IQGAP2: variants seen among roughly 807,000 people sequenced by gnomAD.
IQGAP2 encodes ras GTPase-activating-like protein IQGAP2.
Under a neutral mutation model 201.3 loss-of-function variants are expected in IQGAP2, and 173 were observed. The ratio of observed to expected loss-of-function variants is 0.86; its 90% confidence interval spans 0.76 to 0.98. The LOEUF is 0.98. Among genes scored for constraint, IQGAP2 ranks in the 50% least tolerant of loss-of-function variants. IQGAP2 has a pLI of 0.00. For synonymous variants in IQGAP2, 675 were observed against 673.9 expected, an observed-to-expected ratio of 1.00 and a Z score of -0.03; for missense variants, 1,687 against 1,864.8, an observed-to-expected ratio of 0.90 and a Z score of 1.76.
chr5:76,546,632 C>T (rs1179152027), intron 2 of IQGAP2, among the ~76,000 whole-genome samples: 1 of 152,174 alleles, frequency 6.6e-6, no homozygotes, highest in East Asian at 1.9e-4. Context: ...ACGCCTGGCA[C>T]AAGAGCAGCA....
At chr5:76,583,065 TC>T (rs1561483137) in intron 5 of IQGAP2, among the ~76,000 whole-genome samples, 1 of 152,192 alleles carries the variant, frequency 6.6e-6, no homozygotes, top group Non-Finnish European at 1.5e-5. Context: ...TTCCATGACT[TC>T]CTTTGGAATG....
rs147999192 is a variant in IQGAP2 at position 76,552,927 on chromosome 5, G to A, written c.147-9469G>A. Among the ~76,000 whole-genome samples the A allele has an allele frequency of 8.4e-4, 128 of 152,138 alleles. 1 individual carries two copies. The East Asian group carries it at 0.022, about 26-fold the overall frequency. On this transcript the variant is annotated intron_variant, in intron 2 of 35. Transcript: ENST00000274364. ...ATGGTATTGTGTGCCTGTGTTTTAA[G>A]GAAAATAATTAGCATTCTTAAAGCA...
intron 17 of IQGAP2, among the ~76,000 whole-genome samples, chr5:76,648,745 A>G (rs189197996): frequency 6.6e-6 from 1 of 152,386 alleles, no homozygotes; most frequent in African/African-American, 2.4e-5. Flanking sequence ...TAGAACTGAA[A>G]AATACAGTAA....
chr5:76,685,169 G>GA (rs1745628837), intron 30 of IQGAP2, among the ~76,000 whole-genome samples: 1 of 152,144 alleles, frequency 6.6e-6, no homozygotes, highest in South Asian at 2.1e-4. Flanking sequence ...TTTGACTACA[G>GA]ATTACCAAGG....
At chr5:76,472,548 G>A (rs1755171614) in intron 2 of IQGAP2, among the ~76,000 whole-genome samples, 1 of 152,192 alleles carries the variant, frequency 6.6e-6, no homozygotes, top group Non-Finnish European at 1.5e-5. Context: ...GCAGATCAAA[G>A]CATTGCTTAT....
intron 32 of IQGAP2, among the ~76,000 whole-genome samples, chr5:76,696,143 ATTAGG>A (rs1746724146): frequency 6.6e-6 from 1 of 152,210 alleles, no homozygotes; most frequent in Non-Finnish European, 1.5e-5. Context: ...CTTTCATGTC[ATTAGG>A]AGAGTTGAAA....
rs150001586 is a variant in IQGAP2, at chr5:76,617,707, C to T, written c.1521+6524C>T. 8.7e-5 allele frequency: 141 copies of T among 1,613,846 alleles called. No individual in the cohort carries two copies. The highest frequency in any genetic ancestry group is 1.2e-4 in the Non-Finnish European group (138 of 1,179,974). On this transcript the variant is annotated intron_variant, in intron 13 of 35. Coordinates refer to ENST00000274364, the MANE Select transcript of IQGAP2 (RefSeq NM_006633.5). Reference sequence around the variant, plus strand: ...ATGAGATATATAAAATATAAGCCATCAGTGTTGTTGTAGTAGTAGTTAGCA... The same window carrying T: ...ATGAGATATATAAAATATAAGCCATTAGTGTTGTTGTAGTAGTAGTTAGCA...
At chr5:76,418,206 CAAAAAAA>C (rs11329998) in intron 1 of IQGAP2, among the ~76,000 whole-genome samples, 1 of 85,786 alleles carries the variant, frequency 1.2e-5, no homozygotes, top group African/African-American at 4.8e-5. Context: ...GACTCCGTCT[CAAAAAAA>C]AAAAAAAAAA....
chr5:76,454,133 G>T (rs956517731), intron 1 of IQGAP2, among the ~76,000 whole-genome samples: 11 of 151,898 alleles, frequency 7.2e-5, no homozygotes, highest in African/African-American at 2.7e-4. Context: ...CCAAATCTAG[G>T]AATCATTGCC....
At chr5:76,416,185 A>C (rs1057183486) in intron 1 of IQGAP2, among the ~76,000 whole-genome samples, 5 of 152,230 alleles carry the variant, frequency 3.3e-5, no homozygotes, top group Non-Finnish European at 7.3e-5. Flanking sequence ...GTTTATGACC[A>C]AATGCCTTCA....
intron 1 of IQGAP2, among the ~76,000 whole-genome samples, chr5:76,426,492 C>A (rs920444447): frequency 6.6e-6 from 1 of 152,174 alleles, no homozygotes; most frequent in African/African-American, 2.4e-5. Context: ...AAGGGGAAGC[C>A]GGGTTCCTTT....
intron 30 of IQGAP2, among the ~76,000 whole-genome samples, chr5:76,686,443 C>G (rs1288758456): frequency 6.6e-6 from 1 of 151,642 alleles, no homozygotes; most frequent in East Asian, 1.9e-4. Flanking sequence ...GTCTATTAAC[C>G]CTTTTTGAGT....
intron 13 of IQGAP2, among the ~76,000 whole-genome samples, chr5:76,619,071 G>A (rs1749323406): frequency 6.6e-6 from 1 of 152,238 alleles, no homozygotes; most frequent in South Asian, 2.1e-4. Context: ...TTCTGCTGGT[G>A]ATGAATGGAC....
At chr5:76,430,954 T>C (rs1328558775) in intron 1 of IQGAP2, among the ~76,000 whole-genome samples, 1 of 152,176 alleles carries the variant, frequency 6.6e-6, no homozygotes, top group Non-Finnish European at 1.5e-5. Context: ...ATGCAGACTT[T>C]AAAAAGAATG....
intron 14 of IQGAP2, 32 bp from the exon 15 acceptor site, chr5:76,631,827 A>G: frequency 1.3e-6 from 2 of 1,512,206 alleles, no homozygotes; most frequent in African/African-American, 1.4e-5. Flanking sequence ...GAAGATAACC[A>G]TTAACAAGAA....
In IQGAP2 at chr5:76,459,359, G is replaced by A. The variant is rs151129315; in HGVS notation, c.47-2211G>A. On this transcript the variant is annotated intron_variant, in intron 1 of 35. Transcript: ENST00000274364. The stretch of plus-strand genomic sequence containing the variant: ...ATGGGGAGAGCACCGCCTTTTTAAT[G>A]TGACTCCAGTGCCCACTCTTCCAAG... 7.9e-5 allele frequency among the ~76,000 whole-genome samples: 12 copies of A among 152,240 alleles called. No homozygotes were observed. The East Asian group carries it at 2.3e-3, about 29-fold the overall frequency.
intron 18 of IQGAP2, 140 bp downstream of exon 18, chr5:76,652,973 G>A (rs1186687370): frequency 1.6e-6 from 1 of 632,102 alleles, no homozygotes; most frequent in African/African-American, 1.8e-5. Flanking sequence ...TTGAATCCCA[G>A]TTCTGCTGCT....
intron 13 of IQGAP2, among the ~76,000 whole-genome samples, chr5:76,624,005 T>C (rs1749988391): frequency 6.8e-6 from 1 of 147,758 alleles, no homozygotes; most frequent in African/African-American, 2.5e-5. Context: ...GTCAGATAAC[T>C]GGAGGAACCT....
chr5:76,654,288 T>G lies in IQGAP2; in HGVS notation c.2250+17T>G. ...AGAGATCATGTAAGAAAAATGCCTG[T>G]GGGATTTTATCCAGGTTGATAATGA... On this transcript the variant is annotated intron_variant, in intron 19 of 35. Transcript: ENST00000274364. 1 of 1,533,810 alleles carries G rather than the reference T, an allele frequency of 6.5e-7. No individual in the cohort carries two copies. Among genetic ancestry groups the G allele is most frequent in the South Asian group, 1.2e-5 (1 of 86,260 alleles).
Sources: allele counts gnomAD v4.1 joint callset (sites outside exome capture counted in the v4.1 genomes callset), GRCh38; gene constraint gnomAD v4.1.1; transcripts MANE v1.5; gene names NCBI Gene and HGNC (gene_info 2026-07-23, HGNC 2026-07-21).